Variants in ATE1 observed in about 807,000 individuals in gnomAD.
ATE1 encodes arginyl-tRNA--protein transferase 1.
A neutral mutation model predicts 70.5 loss-of-function variants in ATE1; 36 were observed. That is an observed-to-expected ratio of 0.51 (90% CI 0.39 to 0.67). The LOEUF (loss-of-function observed/expected upper bound fraction) is 0.67. Ranked by LOEUF, ATE1 falls within the 30% of genes least tolerant of loss-of-function variation. ATE1 has a pLI of 0.00. For synonymous variants in ATE1, 232 were observed against 219.3 expected, an observed-to-expected ratio of 1.06 and a Z score of -0.51; for missense variants, 593 against 629.5, an observed-to-expected ratio of 0.94 and a Z score of 0.62.
At chr10:121,877,309 T>C (rs896942029) in intron 7 of ATE1, among the ~76,000 whole-genome samples, 9 of 152,170 alleles carry the variant, frequency 5.9e-5, no homozygotes, top group African/African-American at 2.2e-4. Context: ...CCTTCTGGTT[T>C]TTTAAAGTAA....
At chr10:121,744,980 C>T (rs1475121544) in intron 11 of ATE1, among the ~76,000 whole-genome samples, 3 of 152,216 alleles carry the variant, frequency 2.0e-5, no homozygotes, top group African/African-American at 4.8e-5. Context: ...CTACCCTCCA[C>T]CTTGGAGTTT....
intron 10 of ATE1, among the ~76,000 whole-genome samples, chr10:121,816,882 A>ATAT (rs780113809): frequency 1.3e-5 from 2 of 152,228 alleles, no homozygotes; most frequent in Non-Finnish European, 2.9e-5. Context: ...GCCATTTATA[A>ATAT]TATTATACAG....
intron 6 of ATE1, among the ~76,000 whole-genome samples, chr10:121,900,951 C>A (rs1323886783): frequency 6.6e-6 from 1 of 152,160 alleles, no homozygotes; most frequent in Non-Finnish European, 1.5e-5. Flanking sequence ...GTATCCAAAT[C>A]AGAGTAGCCA....
intron 8 of ATE1, among the ~76,000 whole-genome samples, chr10:121,843,855 G>C (rs1025315757): frequency 1.3e-5 from 2 of 152,070 alleles, no homozygotes; most frequent in African/African-American, 2.4e-5. Flanking sequence ...AGAAAATCTA[G>C]GTGAACTTAG....
rs368040838 is a variant in ATE1, at chr10:121,913,902, G to A, written c.234-9C>T. 8.2e-6 allele frequency: 13 copies of A among 1,594,890 alleles called. No homozygotes were observed. In the African/African-American group the frequency reaches 1.5e-4, roughly 18 times the overall value. ...ATTGTAAAGGTCGGCACCTAGGAAAGCAAAATAAATATTTAAAAAGTGAAC... is the reference window on the plus strand; with the variant it reads ...ATTGTAAAGGTCGGCACCTAGGAAAACAAAATAAATATTTAAAAAGTGAAC... On this transcript the variant is annotated splice_polypyrimidine_tract_variant and intron_variant, in intron 3 of 11. Transcript: ENST00000224652.
Position 121,846,700 on chromosome 10 carries a change from C to CTAAATAAATAAA in ATE1, c.976-5449_976-5438dup, listed in dbSNP as rs10528287. On this transcript the variant is annotated intron_variant, in intron 8 of 11. Transcript: ENST00000224652. ...CCGCTGCTTCATTTGACTAGCCTGC[C>CTAAATAAATAAA]TAAATAAATAAATAAATAAATAAAT... 240 of 148,192 alleles carry CTAAATAAATAAA rather than the reference C, an allele frequency of 1.6e-3. 1 individual carries two copies. The highest frequency in any genetic ancestry group is 4.0e-3 in the Admixed American group (59 of 14,906). The allele number at this position is 148,192 out of a possible 1,614,324, so 9.2% of individuals were successfully genotyped here.
chr10:121,919,532 G>A (rs1951796229), intron 3 of ATE1, among the ~76,000 whole-genome samples: 1 of 152,056 alleles, frequency 6.6e-6, no homozygotes, highest in African/African-American at 2.4e-5. Context: ...CTGCACTCCA[G>A]CCTGGGCGAC....
chr10:121,755,698 A>T (rs1693676), intron 11 of ATE1, among the ~76,000 whole-genome samples: 124,181 of 151,968 alleles, frequency 0.82, 51,155 homozygotes, highest in Non-Finnish European at 0.88. Context: ...GCAGGCAGAG[A>T]GCTTGTGCAG....
Position 121,872,800 on chromosome 10 carries a change from G to A in ATE1, c.943-2762C>T, listed in dbSNP as rs974569260. Among the ~76,000 whole-genome samples, 6 of 151,766 alleles carry A rather than the reference G, an allele frequency of 4.0e-5. No individual in the cohort carries two copies. In the East Asian group the frequency reaches 7.7e-4, roughly 20 times the overall value. On this transcript the variant is annotated intron_variant, in intron 7 of 11. Transcript: ENST00000224652. ...GAAAAAAAAAAGACTACGGCTGCACGCAGATGGTTGCACACATTAATATCA... is the reference window on the plus strand; with the variant it reads ...GAAAAAAAAAAGACTACGGCTGCACACAGATGGTTGCACACATTAATATCA...
intron 8 of ATE1, among the ~76,000 whole-genome samples, chr10:121,868,645 T>C (rs1479212117): frequency 6.6e-6 from 1 of 152,184 alleles, no homozygotes; most frequent in Non-Finnish European, 1.5e-5. Flanking sequence ...ATCTCCATTT[T>C]TAGATCAGGG....
intron 8 of ATE1, among the ~76,000 whole-genome samples, chr10:121,854,615 G>A (rs151266319): frequency 7.8e-4 from 119 of 152,178 alleles, no homozygotes; most frequent in African/African-American, 2.8e-3. Flanking sequence ...CACTAAGTTT[G>A]TGCCTTTGTG....
chr10:121,886,350 A>G (rs1431449640), intron 7 of ATE1, among the ~76,000 whole-genome samples: 1 of 151,232 alleles, frequency 6.6e-6, no homozygotes, highest in Non-Finnish European at 1.5e-5. Flanking sequence ...GGAGCTTGCA[A>G]TTCCCCCCAC....
At chr10:121,909,536 T>C (rs1951337450) in intron 5 of ATE1, among the ~76,000 whole-genome samples, 1 of 152,156 alleles carries the variant, frequency 6.6e-6, no homozygotes, top group Non-Finnish European at 1.5e-5. Context: ...GGGAACTAGA[T>C]GAAACAAGAG....
chr10:121,805,239 A>G (rs931273263), intron 10 of ATE1, among the ~76,000 whole-genome samples: 3 of 152,256 alleles, frequency 2.0e-5, no homozygotes, highest in African/African-American at 7.2e-5. Context: ...TGAGCATGAA[A>G]TTTGAATAAA....
At chr10:121,803,339 T>C (rs1184397827) in intron 10 of ATE1, among the ~76,000 whole-genome samples, 1 of 152,226 alleles carries the variant, frequency 6.6e-6, no homozygotes, top group African/African-American at 2.4e-5. Context: ...CCTAGTTGCA[T>C]TTAAATATGT....
intron 3 of ATE1, among the ~76,000 whole-genome samples, chr10:121,921,317 T>C (rs11200262): frequency 0.17 from 26,211 of 151,420 alleles, 2,521 homozygotes; most frequent in East Asian, 0.32. Context: ...GTGAGTGAGG[T>C]GGGAAATTAA....
intron 3 of ATE1, among the ~76,000 whole-genome samples, chr10:121,919,690 G>A (rs575446946): frequency 2.7e-5 from 4 of 147,198 alleles, no homozygotes; most frequent in East Asian, 2.2e-4. Context: ...GGTAGATCAC[G>A]AGTTCGAGAG....
intron 3 of ATE1, among the ~76,000 whole-genome samples, chr10:121,918,291 C>T (rs896874797): frequency 6.6e-6 from 1 of 151,506 alleles, no homozygotes; most frequent in Non-Finnish European, 1.5e-5. Flanking sequence ...AGAGATCGCG[C>T]CACTGCACTC....
intron 11 of ATE1, among the ~76,000 whole-genome samples, chr10:121,746,969 C>A (rs947138499): frequency 6.6e-6 from 1 of 152,152 alleles, no homozygotes; most frequent in African/African-American, 2.4e-5. Flanking sequence ...TTAGGGCATT[C>A]CCCCAAATGA....
Sources: allele counts gnomAD v4.1 joint callset (sites outside exome capture counted in the v4.1 genomes callset), GRCh38; gene constraint gnomAD v4.1.1; transcripts MANE v1.5; gene names NCBI Gene and HGNC (gene_info 2026-07-23, HGNC 2026-07-21).